The following ZCCHC4 variants were observed in gnomAD, a reference collection of about 807,000 sequenced individuals.
ZCCHC4 encodes the protein zinc finger CCHC-type containing 4, also known as rRNA N(6)-adenosine-methyltransferase ZCCHC4.
ZCCHC4 carries 54 observed loss-of-function variants against 67.7 expected under a neutral mutation model. The ratio of observed to expected loss-of-function variants is 0.80; its 90% CI spans 0.64 to 1.00. The LOEUF (loss-of-function observed/expected upper bound fraction) is 1.00, where lower values mean the gene tolerates loss of function less well. Among genes scored for constraint, ZCCHC4 ranks in the 50% least tolerant of loss-of-function variants. ZCCHC4 has a pLI of 0.00. For synonymous variants in ZCCHC4, 198 were observed against 213.5 expected (o/e 0.93, Z 0.63); for missense variants, 609 against 617.0 (o/e 0.99, Z 0.14).
chr4:25,325,164 AT>A lies in ZCCHC4; in HGVS notation c.330-8018del, dbSNP rs1477557265. On this transcript the variant is annotated intron_variant, in intron 3 of 12. Transcript: ENST00000302874. ...AGGCTGAGGCAGGAGAATGGCGTGA[AT>A]CCCGGGAGGCGGAGCCTGCAGTGAG... Among the ~76,000 whole-genome samples the A allele has an allele frequency of 4.4e-5, 5 of 112,364 alleles. 1 individual carries two copies. The highest frequency in any genetic ancestry group is 1.1e-4 in the African/African-American group (4 of 36,364). The allele number at this position is 112,364 out of a possible 152,430, so 73.7% of individuals were successfully genotyped here. A position where few individuals can be genotyped will look rare whatever the true frequency, so the allele number is the denominator to read the frequency against.
In ZCCHC4 at chr4:25,312,934, A is replaced by C; in HGVS notation, c.125A>C (p.His42Pro). The C allele has an allele frequency of 1.2e-6, 2 of 1,612,020 alleles. No homozygotes were observed. Among genetic ancestry groups the C allele is most frequent in the Non-Finnish European group, 1.7e-6 (2 of 1,179,858 alleles). Residue 42 changes from histidine to proline, a missense_variant and splice_region_variant, in exon 1 of 13, where the codon CAC (histidine) becomes CCC (proline). Transcript: ENST00000302874. Reference sequence around the variant, plus strand: ...GCCGTCCCCGCCCCGCTGTGCCCTCACGGTGGGTCAGAGTCTGGGCTCAGC... The same window carrying C: ...GCCGTCCCCGCCCCGCTGTGCCCTCCCGGTGGGTCAGAGTCTGGGCTCAGC... ...DPAVPAPLCP[H>P]GPTLLFVKVT...
chr4:25,333,818 A>C, intron 4 of ZCCHC4, 90 bp from the exon 5 acceptor site: 2 of 902,040 alleles, frequency 2.2e-6, no homozygotes, highest in South Asian at 4.3e-5. Context: ...CATAAATACC[A>C]GAAGAACATT....
At chr4:25,321,934 C>G (rs963503656) in intron 3 of ZCCHC4, among the ~76,000 whole-genome samples, 2 of 152,192 alleles carry the variant, frequency 1.3e-5, no homozygotes, top group Non-Finnish European at 2.9e-5. Flanking sequence ...TAACTCTCCA[C>G]CTGTAGTTCC....
At chr4:25,325,348 A>C (rs1193229918) in intron 3 of ZCCHC4, among the ~76,000 whole-genome samples, 1 of 147,516 alleles carries the variant, frequency 6.8e-6, no homozygotes, top group African/African-American at 2.5e-5. Flanking sequence ...GCTCACTGCA[A>C]CCTCTGTCTC....
At chr4:25,343,885 C>T (rs1026212913) in intron 5 of ZCCHC4, among the ~76,000 whole-genome samples, 2 of 152,094 alleles carry the variant, frequency 1.3e-5, no homozygotes, top group African/African-American at 4.8e-5. Flanking sequence ...AAGGATGTGT[C>T]TCAGATTTTT....
At chr4:25,341,674 G>A (rs1454242431) in intron 5 of ZCCHC4, among the ~76,000 whole-genome samples, 3 of 152,176 alleles carry the variant, frequency 2.0e-5, no homozygotes, top group African/African-American at 7.2e-5. Context: ...GACACAGAAG[G>A]TAAAAGTTGT....
chr4:25,365,608 G>A, intron 12 of ZCCHC4: 1 of 986,330 alleles, frequency 1.0e-6, no homozygotes, highest in Non-Finnish European at 1.2e-6. Context: ...TTGTGAGAAA[G>A]CTATTTCTTT....
chr4:25,314,522 C>T (rs1054759595), intron 2 of ZCCHC4, among the ~76,000 whole-genome samples: 4 of 152,172 alleles, frequency 2.6e-5, no homozygotes, highest in African/African-American at 9.6e-5. Flanking sequence ...AGTCCAGGAT[C>T]AAGATGCTGG....
chr4:25,314,746 C>T (rs549373707), intron 2 of ZCCHC4, among the ~76,000 whole-genome samples: 105 of 152,108 alleles, frequency 6.9e-4, no homozygotes, highest in Non-Finnish European at 1.3e-3. Context: ...CTTCAACATA[C>T]GAATTTTAGG....
intron 3 of ZCCHC4, among the ~76,000 whole-genome samples, chr4:25,323,622 T>C (rs1718693468): frequency 6.6e-6 from 1 of 152,196 alleles, no homozygotes; most frequent in African/African-American, 2.4e-5. Flanking sequence ...CAGACAGAAC[T>C]CCAGGATGGA....
intron 3 of ZCCHC4, among the ~76,000 whole-genome samples, chr4:25,318,895 C>G (rs1188940601): frequency 2.6e-5 from 4 of 151,980 alleles, no homozygotes; most frequent in African/African-American, 4.8e-5. Context: ...GACCCATTAC[C>G]TTGGATTGTG....
At position 25,333,917 on chromosome 4, in the gene ZCCHC4, G is replaced by A; in HGVS notation, c.615G>A (p.Glu205=). ...VLCVGTPRLH[E]LIKLTASGDK... ...TCACTAATTGCTTTAGGTTGCATGA[G>A]CTGATCAAGTTGACAGCATCAGGTG... is the stretch of plus-strand genomic sequence containing the variant. The change falls in exon 5 of 13, where the codon GAG becomes GAA. Residue 205 remains glutamate, a synonymous_variant. Transcript: ENST00000302874. 6.3e-7 allele frequency: 1 copy of A among 1,596,990 alleles called. No individual in the cohort carries two copies. The highest frequency in any genetic ancestry group is 1.3e-5 in the African/African-American group (1 of 74,274).
chr4:25,333,950 G>A lies in ZCCHC4; in HGVS notation c.648G>A (p.Lys216=). 1 of 1,606,056 alleles carries A rather than the reference G, an allele frequency of 6.2e-7. No individual in the cohort carries two copies. The highest frequency in any genetic ancestry group is 8.5e-7 in the Non-Finnish European group (1 of 1,178,248). ...LIKLTASGDK[K]SNIKSLLLDI... is the part of the protein sequence containing the mutation. ...AGTTGACAGCATCAGGTGACAAGAA[G>A]TCTAACATTAAAAGCCTTTTATTGG... Residue 216 remains lysine (K), a synonymous_variant, in exon 5 of 13, where the codon AAG becomes AAA. Transcript: ENST00000302874.
intron 6 of ZCCHC4, among the ~76,000 whole-genome samples, chr4:25,348,633 A>G (rs1438751623): frequency 6.6e-6 from 1 of 152,174 alleles, no homozygotes; most frequent in Non-Finnish European, 1.5e-5. Context: ...TATTTAAACT[A>G]TATAGGAGGA....
chr4:25,357,775 A>G (rs1176098109), intron 8 of ZCCHC4, among the ~76,000 whole-genome samples: 2 of 152,248 alleles, frequency 1.3e-5, no homozygotes, highest in Non-Finnish European at 1.5e-5. Flanking sequence ...GACCTCATAA[A>G]AAACCTCATG....
At chr4:25,321,779 A>G (rs1718599154) in intron 3 of ZCCHC4, among the ~76,000 whole-genome samples, 1 of 152,146 alleles carries the variant, frequency 6.6e-6, no homozygotes, top group Non-Finnish European at 1.5e-5. Flanking sequence ...CCTCCCGGGT[A>G]GCTGGGATTA....
At chr4:25,314,626 G>T (rs1319713122) in intron 2 of ZCCHC4, among the ~76,000 whole-genome samples, 1 of 152,150 alleles carries the variant, frequency 6.6e-6, no homozygotes, top group Non-Finnish European at 1.5e-5. Flanking sequence ...GAGGAAGCAA[G>T]CACTGTCTGT....
At chr4:25,318,498 GCAC>G (rs1718400158) in intron 3 of ZCCHC4, among the ~76,000 whole-genome samples, 1 of 151,596 alleles carries the variant, frequency 6.6e-6, no homozygotes, top group South Asian at 2.1e-4. Flanking sequence ...GGGATTACAG[GCAC>G]CTGCCACCAT....
chr4:25,317,295 G>T (rs1718309372), intron 3 of ZCCHC4, among the ~76,000 whole-genome samples: 1 of 152,136 alleles, frequency 6.6e-6, no homozygotes, highest in Non-Finnish European at 1.5e-5. Flanking sequence ...AAAGTCATTT[G>T]ATACAGGAGG....
Sources: allele counts gnomAD v4.1 joint callset (sites outside exome capture counted in the v4.1 genomes callset), GRCh38; gene constraint gnomAD v4.1.1; transcripts MANE v1.5; gene names NCBI Gene and HGNC (gene_info 2026-07-23, HGNC 2026-07-21).